The following RNF213 variants were observed in gnomAD, a reference collection of about 807,000 sequenced individuals.
The protein encoded by RNF213 is E3 ubiquitin-protein ligase RNF213.
In RNF213, 341 loss-of-function variants were observed where a neutral mutation model predicts 514.4. That is an observed-to-expected ratio of 0.66 (90% CI 0.61 to 0.73). The LOEUF (loss-of-function observed/expected upper bound fraction) is 0.73, where lower values mean the gene tolerates loss of function less well. RNF213 is among the 30% of genes least tolerant of loss of function. RNF213 has a pLI of 0.00. For missense variants in RNF213, 5,767 were observed against 6,615.6 expected (o/e 0.87, Z 4.45); for synonymous variants, 2,655 against 2,658.2 (o/e 1.00, Z 0.04).
chr17:80,288,814 T>A lies in RNF213; in HGVS notation c.933+59T>A. 2 of 1,612,480 alleles carry A rather than the reference T, an allele frequency of 1.2e-6. No homozygotes were observed. Among genetic ancestry groups the A allele is most frequent in the South Asian group, 2.2e-5 (2 of 91,014 alleles). On this transcript the variant is annotated intron_variant, in intron 5 of 67. Transcript: ENST00000582970. The surrounding 1 kb of genome is among the most constrained non-coding windows in gnomAD (Gnocchi z 4.9). ...GCCCTCTCCTGCCCACGGCTGCGCC[T>A]CTTTCATTTAATTATTCAGCAAATA...
chr17:80,366,314 C>T (rs2079271649), intron 42 of RNF213, among the ~76,000 whole-genome samples: 1 of 152,104 alleles, frequency 6.6e-6, no homozygotes, highest in South Asian at 2.1e-4. Flanking sequence ...TATGCAGAGG[C>T]ACTGTATTGT....
Position 80,386,913 on chromosome 17 carries a change from G to A in RNF213, c.14922+22G>A, listed in dbSNP as rs367788260. On this transcript the variant is annotated intron_variant, in intron 63 of 67. Transcript: ENST00000582970. ...CAAGGTAGGGCTGACTCCTGCCACT[G>A]CTGCTCATTTGGTGTGTCTGTTGTG... is the stretch of plus-strand genomic sequence containing the variant. The A allele has an allele frequency of 6.3e-6, 10 of 1,597,276 alleles. No homozygotes were observed. The African/African-American group carries it at 9.4e-5, about 15-fold the overall frequency.
chr17:80,358,712 C>T (rs1257844132), intron 37 of RNF213, among the ~76,000 whole-genome samples: 3 of 152,136 alleles, frequency 2.0e-5, no homozygotes, highest in East Asian at 1.9e-4. Context: ...AGATCAAGAC[C>T]GTCCTGGCCA....
intron 62 of RNF213, 79 bp from the exon 63 acceptor site, chr17:80,386,611 G>A: frequency 6.5e-7 from 1 of 1,529,526 alleles, no homozygotes; most frequent in South Asian, 1.1e-5. Context: ...GTGAGAAATG[G>A]GAGCCTGCTC....
Position 80,343,836 on chromosome 17 carries a change from C to T in RNF213, c.6184-21C>T. The stretch of plus-strand genomic sequence containing the variant: ...TCGCCATCGTGTCGTGTGTTTACAC[C>T]TCGTGCGATTCTGTTCTTAGGTGCA... On this transcript the variant is annotated intron_variant, in intron 27 of 67. Coordinates refer to ENST00000582970, the MANE Select transcript of RNF213 (RefSeq NM_001256071.3). The surrounding 1 kb of genome is among the most constrained non-coding windows in gnomAD (Gnocchi z 4.3). 6.2e-7 allele frequency: 1 copy of T among 1,613,966 alleles called. No homozygotes were observed. Among genetic ancestry groups the T allele is most frequent in the Non-Finnish European group, 8.5e-7 (1 of 1,179,944 alleles).
In RNF213 at chr17:80,397,315, C is replaced by T. The variant is rs1320362311; in HGVS notation, c.*3817C>T. On this transcript the variant is annotated 3_prime_UTR_variant, in exon 68 of 68. Coordinates refer to ENST00000582970, the MANE Select transcript of RNF213 (RefSeq NM_001256071.3). The stretch of plus-strand genomic sequence containing the variant: ...TTCAGTTTCCTCGTCTGTGAAATAT[C>T]TGTCAGTGCTCTTAAGGGAGGAGAC... 1 of 152,142 alleles carries T rather than the reference C, an allele frequency of 6.6e-6. No homozygotes were observed. Among genetic ancestry groups the T allele is most frequent in the Non-Finnish European group, 1.5e-5 (1 of 68,042 alleles). The allele number at this position is 152,142 out of a possible 1,614,324, so 9.4% of individuals were successfully genotyped here.
At position 80,363,800 on chromosome 17, in the gene RNF213, A is replaced by G; in HGVS notation, c.11750+10A>G. The G allele has an allele frequency of 6.2e-7, 1 of 1,611,840 alleles. No homozygotes were observed. Among genetic ancestry groups the G allele is most frequent in the Non-Finnish European group, 8.5e-7 (1 of 1,179,598 alleles). ...TCATCAGGGAAGTCAGGTGAGACCC[A>G]GGAGCCCTCACCCACTGCTTCATCT... is the stretch of plus-strand genomic sequence containing the variant. On this transcript the variant is annotated intron_variant, in intron 41 of 67. Coordinates refer to ENST00000582970, the MANE Select transcript of RNF213 (RefSeq NM_001256071.3).
chr17:80,362,338 A>G (rs2079086681), intron 39 of RNF213, among the ~76,000 whole-genome samples: 1 of 152,262 alleles, frequency 6.6e-6, no homozygotes, highest in Non-Finnish European at 1.5e-5. Flanking sequence ...TAATATGACT[A>G]GAGGTTAATA....
At chr17:80,272,007 G>A (rs1037554374) in intron 2 of RNF213, among the ~76,000 whole-genome samples, 3 of 150,222 alleles carry the variant, frequency 2.0e-5, no homozygotes, top group African/African-American at 7.4e-5. Context: ...AAAAGAGGCC[G>A]GGTGGGGTGG....
Position 80,288,147 on chromosome 17 carries a change from C to T in RNF213, c.594C>T (p.Asp198=), listed in dbSNP as rs1477252271. 1.9e-6 allele frequency: 3 copies of T among 1,610,144 alleles called. No homozygotes were observed. The Admixed American group carries it at 5.0e-5, about 27-fold the overall frequency. ...CTCAGAGCAGCCCGCAATTCCAGGACCACACGGAAGGGGAGGACCAGGACG... is the reference window on the plus strand; with the variant it reads ...CTCAGAGCAGCCCGCAATTCCAGGATCACACGGAAGGGGAGGACCAGGACG... The part of the protein sequence containing the change: ...SEAQSSPQFQ[D]HTEGEDQDAS... Residue 198 remains aspartate (D), a synonymous_variant, in exon 4 of 68, where the codon GAC becomes GAT. Coordinates refer to ENST00000582970, the MANE Select transcript of RNF213 (RefSeq NM_001256071.3). The surrounding 1 kb of genome is among the most constrained non-coding windows in gnomAD (Gnocchi z 4.9).
chr17:80,385,221 G>T, intron 60 of RNF213, 50 bp downstream of exon 60: 1 of 1,611,822 alleles, frequency 6.2e-7, no homozygotes, highest in Non-Finnish European at 8.5e-7. Flanking sequence ...TTGGCGGTTC[G>T]AAAGGATCAC....
At chr17:80,291,568 A>G (rs912824455) in intron 7 of RNF213, 60 bp from the exon 8 acceptor site, 7 of 1,533,510 alleles carry the variant, frequency 4.6e-6, no homozygotes, top group East Asian at 2.3e-5. Flanking sequence ...ACGTTTGAGA[A>G]TAACTAAAAT....
In RNF213 at chr17:80,389,878, G is replaced by C; in HGVS notation, c.15246G>C (p.Leu5082=). 2 of 1,614,174 alleles carry C rather than the reference G, an allele frequency of 1.2e-6. No individual in the cohort carries two copies. Among genetic ancestry groups the C allele is most frequent in the African/African-American group, 2.7e-5 (2 of 75,056 alleles). ...LKHTIALWQF[L]SAHKSEQLLR... Reference sequence around the variant, plus strand: ...ACACCATTGCCCTCTGGCAGTTCCTGTCTGCTCATAAGTCTGAACAGCTGC... The same window carrying C: ...ACACCATTGCCCTCTGGCAGTTCCTCTCTGCTCATAAGTCTGAACAGCTGC... Residue 5082 remains leucine (L), a synonymous_variant, in exon 66 of 68, where the codon CTG becomes CTC. Transcript: ENST00000582970.
At chr17:80,384,121 G>A (rs1056007889) in intron 59 of RNF213, among the ~76,000 whole-genome samples, 193 bp downstream of exon 59, 2 of 152,206 alleles carry the variant, frequency 1.3e-5, no homozygotes, top group Admixed American at 6.5e-5. Context: ...TGCCAGAAGC[G>A]TAAAGTCACA....
At chr17:80,341,775 TA>T (rs2078161241) in intron 26 of RNF213, 1 of 152,186 alleles carries the variant, frequency 6.6e-6, no homozygotes, top group Non-Finnish European at 1.5e-5. Context: ...CAAAAGATTA[TA>T]ATACCATATT....
chr17:80,348,184 G>A lies in RNF213; in HGVS notation c.9849G>A (p.Leu3283=), dbSNP rs890078606. 13 of 1,613,928 alleles carry A rather than the reference G, an allele frequency of 8.1e-6. No individual in the cohort carries two copies. In the African/African-American group the frequency reaches 9.3e-5, roughly 12 times the overall value. ...TGGGCGGGTTCGCAGCGGAGTGGCT[G>A]TCGCAGGAGTACTTTCACAGACAGA... ...YSLGGFAAEW[L]SQEYFHRQRH... is the part of the protein sequence containing the mutation. Residue 3283 remains leucine (L), a synonymous_variant, in exon 29 of 68, where the codon CTG becomes CTA. Coordinates refer to ENST00000582970, the MANE Select transcript of RNF213 (RefSeq NM_001256071.3).
In RNF213 at chr17:80,396,063, T is replaced by C. The variant is rs1203746498; in HGVS notation, c.*2565T>C. On this transcript the variant is annotated 3_prime_UTR_variant, in exon 68 of 68. Coordinates refer to ENST00000582970, the MANE Select transcript of RNF213 (RefSeq NM_001256071.3). The stretch of plus-strand genomic sequence containing the variant: ...TTTCAGCCCTACCTTGGTGGTGATT[T>C]ACCTGAAAATCTTCACAACTGATCA... 1.3e-5 allele frequency: 2 copies of C among 152,238 alleles called. No homozygotes were observed. Among genetic ancestry groups the C allele is most frequent in the Non-Finnish European group, 2.9e-5 (2 of 68,054 alleles). The allele number at this position is 152,238 out of a possible 1,614,324, so 9.4% of individuals were successfully genotyped here.
At position 80,304,301 on chromosome 17, in the gene RNF213, G is replaced by A. The variant is rs116370936; in HGVS notation, c.2211-1951G>A. Among the ~76,000 whole-genome samples the A allele has an allele frequency of 2.2e-3, 333 of 152,150 alleles. 1 individual carries two copies. Among genetic ancestry groups the A allele is most frequent in the African/African-American group, 7.9e-3 (328 of 41,494 alleles). On this transcript the variant is annotated intron_variant, in intron 11 of 67. Coordinates refer to ENST00000582970, the MANE Select transcript of RNF213 (RefSeq NM_001256071.3). ...GAATCAGCATTATTTAAGGGCCTTC[G>A]CTGAGCCCACTTGGGCTGTTTGATC...
At chr17:80,350,476 A>G in intron 31 of RNF213, 80 bp downstream of exon 31, 3 of 827,856 alleles carry the variant, frequency 3.6e-6, no homozygotes, top group South Asian at 2.8e-5. Flanking sequence ...TTCCTTGAAG[A>G]CAGTATAGTA....
Sources: allele counts gnomAD v4.1 joint callset (sites outside exome capture counted in the v4.1 genomes callset), GRCh38; gene constraint gnomAD v4.1.1; non-coding constraint Gnocchi (gnomAD v3.1); transcripts MANE v1.5; gene names NCBI Gene and HGNC (gene_info 2026-07-23, HGNC 2026-07-21).